SNX13: variants seen among roughly 807,000 people sequenced by gnomAD.
SNX13 encodes sorting nexin 13.
Under a neutral mutation model 133.6 loss-of-function variants are expected in SNX13, and 45 were observed. That is an observed-to-expected ratio of 0.34 (90% CI 0.27 to 0.43). SNX13 has a LOEUF of 0.43. SNX13 is among the 20% of genes least tolerant of loss of function. SNX13 has a pLI of 1.00. For missense variants in SNX13, 1,032 were observed against 1,145.1 expected (o/e 0.90, Z 1.43); for synonymous variants, 414 against 373.9 (o/e 1.11, Z -1.24).
At chr7:17,930,115 AAAGAAT>A (rs1028812336) in intron 1 of SNX13, among the ~76,000 whole-genome samples, 2 of 34,290 alleles carry the variant, frequency 5.8e-5, no homozygotes, top group Non-Finnish European at 1.6e-4. Flanking sequence ...AATAAAGAAT[AAAGAAT>A]AAGAATAAAG....
chr7:17,835,628 A>G (rs58394568), intron 13 of SNX13, among the ~76,000 whole-genome samples: 3,811 of 152,104 alleles, frequency 0.025, 152 homozygotes, highest in African/African-American at 0.087. Context: ...CTGGAGAGTA[A>G]ATGAGTCCTA....
chr7:17,878,808 C>G (rs1189044035), intron 5 of SNX13, among the ~76,000 whole-genome samples: 1 of 152,184 alleles, frequency 6.6e-6, no homozygotes, highest in Admixed American at 6.5e-5. Context: ...CTCCCTTCCT[C>G]TTTGTTATGC....
chr7:17,812,043 C>T (rs1786103531), intron 20 of SNX13, among the ~76,000 whole-genome samples: 1 of 152,054 alleles, frequency 6.6e-6, no homozygotes, highest in African/African-American at 2.4e-5. Context: ...AACATAAAAA[C>T]CCTAGAAGAA....
chr7:17,816,248 CT>C lies in SNX13; in HGVS notation c.1886del (p.Lys629ArgfsTer11). 1 of 1,543,340 alleles carries C rather than the reference CT, an allele frequency of 6.5e-7. No homozygotes were observed. Among genetic ancestry groups the C allele is most frequent in the Non-Finnish European group, 8.8e-7 (1 of 1,142,538 alleles). ...LSSILKLPGK[K>X]TFNNMDRDFL... The stretch of plus-strand genomic sequence containing the variant: ...AATCTCTATCCATATTATTAAAAGT[CT>C]TTTTTCCAGGAAGTTTCAATATGCT... On this transcript the variant is annotated frameshift_variant, in exon 19 of 26. Transcript: ENST00000428135. LOFTEE classifies it high-confidence loss of function.
At chr7:17,820,300 T>G (rs954173311) in intron 18 of SNX13, among the ~76,000 whole-genome samples, 1 of 152,152 alleles carries the variant, frequency 6.6e-6, no homozygotes, top group Non-Finnish European at 1.5e-5. Context: ...TTATCATGTT[T>G]GGTTAAAGTG....
At chr7:17,805,259 G>A (rs895559000) in intron 20 of SNX13, among the ~76,000 whole-genome samples, 6 of 147,588 alleles carry the variant, frequency 4.1e-5, no homozygotes, top group African/African-American at 9.9e-5. Context: ...GTGCGTGCGC[G>A]CGCGCGCATG....
intron 24 of SNX13, among the ~76,000 whole-genome samples, 163 bp downstream of exon 24, chr7:17,798,527 T>C (rs1583445378): frequency 6.6e-6 from 1 of 151,916 alleles, no homozygotes; most frequent in Admixed American, 6.6e-5. Context: ...AATAGGTTCA[T>C]AAGACAAATG....
chr7:17,861,949 TCTC>T (rs1792758528), intron 9 of SNX13, among the ~76,000 whole-genome samples: 1 of 152,162 alleles, frequency 6.6e-6, no homozygotes, highest in African/African-American at 2.4e-5. Flanking sequence ...ATGCCTCACA[TCTC>T]TCAGTCAAAT....
intron 1 of SNX13, among the ~76,000 whole-genome samples, chr7:17,911,178 C>T (rs958899405): frequency 1.3e-5 from 2 of 152,180 alleles, no homozygotes; most frequent in Non-Finnish European, 2.9e-5. Flanking sequence ...GTTTCTTCAT[C>T]TGTACAACAG....
In SNX13 at chr7:17,831,277, C is replaced by T. The variant is rs138401091; in HGVS notation, c.1598-1230G>A. On this transcript the variant is annotated intron_variant, in intron 15 of 25. Coordinates refer to ENST00000428135, the MANE Select transcript of SNX13 (RefSeq NM_015132.5). ...AAATATTAGAAAACAAAAGAAAGCA[C>T]TGTTCAACATGGTGAGACAAATAAT... is the stretch of plus-strand genomic sequence containing the variant. 183 of 974,452 alleles carry T rather than the reference C, an allele frequency of 1.9e-4. No homozygotes were observed. In the East Asian group the frequency reaches 0.017, roughly 90 times the overall value. The allele number at this position is 974,452 out of a possible 1,614,324, so 60.4% of individuals were successfully genotyped here.
chr7:17,815,210 T>A (rs2723504), intron 19 of SNX13, among the ~76,000 whole-genome samples: 92,269 of 152,034 alleles, frequency 0.61, 29,353 homozygotes, highest in African/African-American at 0.79. Context: ...ATTTACTATT[T>A]TATTTTCAGA....
intron 9 of SNX13, among the ~76,000 whole-genome samples, chr7:17,853,067 C>T: frequency 6.6e-6 from 1 of 151,946 alleles, no homozygotes; most frequent in East Asian, 1.9e-4. Context: ...GAAGAGTGGG[C>T]CAGGTAACAT....
intron 9 of SNX13, among the ~76,000 whole-genome samples, chr7:17,867,170 A>G (rs991487013): frequency 6.6e-6 from 1 of 152,142 alleles, no homozygotes; most frequent in African/African-American, 2.4e-5. Flanking sequence ...TGCCTAATGC[A>G]AAGTCTAAAA....
At chr7:17,829,180 A>C (rs1211562709) in intron 16 of SNX13, among the ~76,000 whole-genome samples, 1 of 151,590 alleles carries the variant, frequency 6.6e-6, no homozygotes, top group Non-Finnish European at 1.5e-5. Context: ...CTAACCTCTA[A>C]AACATTTAGC....
chr7:17,908,456 T>C (rs1184243971), intron 1 of SNX13, among the ~76,000 whole-genome samples: 1 of 152,192 alleles, frequency 6.6e-6, no homozygotes, highest in Non-Finnish European at 1.5e-5. Context: ...TAGCAAAAAA[T>C]TCTATCAAGT....
intron 7 of SNX13, among the ~76,000 whole-genome samples, chr7:17,874,357 A>G (rs1374905253): frequency 6.6e-6 from 1 of 152,222 alleles, no homozygotes; most frequent in Non-Finnish European, 1.5e-5. Context: ...TGTGTTAATC[A>G]ATTGTTTACA....
chr7:17,797,272 T>G (rs534106267), intron 24 of SNX13, among the ~76,000 whole-genome samples: 91 of 151,984 alleles, frequency 6.0e-4, no homozygotes, highest in Non-Finnish European at 1.0e-3. Flanking sequence ...ATTGAACATC[T>G]CATCCAAATG....
chr7:17,827,308 A>G (rs1788015233), intron 16 of SNX13, among the ~76,000 whole-genome samples: 1 of 151,972 alleles, frequency 6.6e-6, no homozygotes, highest in Non-Finnish European at 1.5e-5. Flanking sequence ...TCACGTATTT[A>G]TATCATTCAC....
At chr7:17,933,107 T>C (rs1218884163) in intron 1 of SNX13, among the ~76,000 whole-genome samples, 1 of 152,186 alleles carries the variant, frequency 6.6e-6, no homozygotes, top group African/African-American at 2.4e-5. Flanking sequence ...ATAAACATTA[T>C]CCTTAATAAC....
Sources: gnomAD v4.1 joint callset for allele counts (sites outside exome capture counted in the v4.1 genomes callset) on GRCh38, gnomAD v4.1.1 for gene constraint, MANE v1.5 for transcripts, NCBI Gene and HGNC (gene_info 2026-07-23, HGNC 2026-07-21) for gene names.